Variants in UXS1 observed in about 807,000 individuals in gnomAD.
UXS1 encodes UDP-glucuronic acid decarboxylase 1.
UXS1 carries 33 observed loss-of-function variants against 62.6 expected under a neutral mutation model. The ratio of observed to expected loss-of-function variants is 0.53; its 90% CI spans 0.40 to 0.70. The LOEUF (loss-of-function observed/expected upper bound fraction) is 0.70, where lower values mean the gene tolerates loss of function less well. Among genes scored for constraint, UXS1 ranks in the 30% least tolerant of loss-of-function variants. UXS1 has a pLI of 0.00. For missense variants in UXS1, 434 were observed against 556.3 expected (o/e 0.78, Z 2.21); for synonymous variants, 213 against 206.8 (o/e 1.03, Z -0.26).
intron 6 of UXS1, among the ~76,000 whole-genome samples, chr2:106,143,208 A>G (rs1573498552): frequency 6.6e-6 from 1 of 151,554 alleles, no homozygotes; most frequent in South Asian, 2.1e-4. Context: ...GGAGATGGAG[A>G]CCATCCTGGC....
chr2:106,169,596 G>A (rs960104662), intron 1 of UXS1, among the ~76,000 whole-genome samples: 2 of 152,192 alleles, frequency 1.3e-5, no homozygotes, highest in Admixed American at 6.5e-5. Flanking sequence ...GGCAGAAGCA[G>A]AAAGATCGCT....
chr2:106,103,756 T>C (rs1423856438), intron 11 of UXS1, among the ~76,000 whole-genome samples: 1 of 152,236 alleles, frequency 6.6e-6, no homozygotes, highest in Admixed American at 6.5e-5. Context: ...GTGTAAATGT[T>C]TACTCACAGC....
intron 2 of UXS1, among the ~76,000 whole-genome samples, chr2:106,165,626 C>CTAAA (rs1683166278): frequency 6.6e-6 from 1 of 152,126 alleles, no homozygotes; most frequent in Non-Finnish European, 1.5e-5. Flanking sequence ...TAACGCTGGA[C>CTAAA]TAAATAGGTG....
chr2:106,173,510 C>T (rs1031404347), intron 1 of UXS1, among the ~76,000 whole-genome samples: 1 of 152,108 alleles, frequency 6.6e-6, no homozygotes, highest in Non-Finnish European at 1.5e-5. Context: ...GCCATAATCA[C>T]ACTGCTGCAC....
At chr2:106,171,593 G>C (rs1683562230) in intron 1 of UXS1, among the ~76,000 whole-genome samples, 1 of 152,206 alleles carries the variant, frequency 6.6e-6, no homozygotes, top group Non-Finnish European at 1.5e-5. Flanking sequence ...TAGGGATATA[G>C]CCTGAGTCCC....
chr2:106,167,892 T>C (rs1438285727), intron 1 of UXS1, among the ~76,000 whole-genome samples: 1 of 152,180 alleles, frequency 6.6e-6, no homozygotes, highest in African/African-American at 2.4e-5. Context: ...CCGGGCACTG[T>C]GGCTCACACC....
chr2:106,156,746 AT>A (rs1423414612), intron 5 of UXS1, among the ~76,000 whole-genome samples: 2 of 152,218 alleles, frequency 1.3e-5, no homozygotes, highest in African/African-American at 4.8e-5. Flanking sequence ...TTAGGGAATA[AT>A]AACCTGAAAA....
chr2:106,100,923 GTATTT>G, intron 12 of UXS1, 130 bp downstream of exon 12: 1 of 1,101,132 alleles, frequency 9.1e-7, no homozygotes, highest in South Asian at 1.4e-5. Flanking sequence ...TTTTCCTCTA[GTATTT>G]AGCAAGCAAC....
At chr2:106,141,638 A>G (rs891658648) in intron 6 of UXS1, among the ~76,000 whole-genome samples, 7 of 151,952 alleles carry the variant, frequency 4.6e-5, no homozygotes, top group Admixed American at 4.6e-4. Flanking sequence ...TTGTAGAGAC[A>G]GGGTTTCGCC....
chr2:106,171,998 C>G (rs945420170), intron 1 of UXS1, among the ~76,000 whole-genome samples: 1 of 152,264 alleles, frequency 6.6e-6, no homozygotes, highest in East Asian at 1.9e-4. Flanking sequence ...CTCATGCAGG[C>G]TTTGCCTTCT....
intron 5 of UXS1, among the ~76,000 whole-genome samples, chr2:106,151,395 G>A (rs1057364411): frequency 2.0e-5 from 3 of 152,122 alleles, no homozygotes; most frequent in Admixed American, 6.5e-5. Context: ...AAGTTATTGG[G>A]CTATGAGGGC....
intron 11 of UXS1, among the ~76,000 whole-genome samples, 181 bp downstream of exon 11, chr2:106,104,613 T>G (rs1026694718): frequency 6.6e-6 from 1 of 152,180 alleles, no homozygotes. Context: ...GAATGCAAAT[T>G]TTAACTTTTA....
At chr2:106,184,311 A>G (rs1348505782) in intron 1 of UXS1, among the ~76,000 whole-genome samples, 1 of 152,260 alleles carries the variant, frequency 6.6e-6, no homozygotes, top group Non-Finnish European at 1.5e-5. Context: ...AAAGCAAGAC[A>G]AGAAATTTGC....
At position 106,157,946 on chromosome 2, in the gene UXS1, G is replaced by A. The variant is rs2105039409; in HGVS notation, c.291+112C>T. The A allele has an allele frequency of 5.4e-6, 5 of 926,200 alleles. No homozygotes were observed. In the South Asian group the frequency reaches 8.0e-5, roughly 15 times the overall value. 57.4% of individuals were successfully genotyped at this position (926,200 alleles called of 1,614,324 possible). A position where few individuals can be genotyped will look rare whatever the true frequency, so the allele number is the denominator to read the frequency against. On this transcript the variant is annotated intron_variant, in intron 5 of 14. Transcript: ENST00000283148. ...TGCTAACTCTGTGGACATACTATAA[G>A]CCACTGAATCGTATCTTTGAGAAGC... is the stretch of plus-strand genomic sequence containing the variant.
Position 106,194,159 on chromosome 2 carries a change from G to A in UXS1, c.83C>T (p.Ala28Val). The A allele has an allele frequency of 2.7e-6, 4 of 1,484,280 alleles. No individual in the cohort carries two copies. Among genetic ancestry groups the A allele is most frequent in the Middle Eastern group, 3.8e-4 (2 of 5,196 alleles). 91.9% of individuals were successfully genotyped at this position (1,484,280 alleles called of 1,614,324 possible). Reference protein sequence around the residue: ...MKLLLGIALLAYVASVWGNFV... With the variant: ...MKLLLGIALLVYVASVWGNFV... ...GGGCGCGCACTCACAGGCGACGTAGGCCAGCAAGGCGATGCCCAGCAGCAG... is the reference window on the plus strand; with the variant it reads ...GGGCGCGCACTCACAGGCGACGTAGACCAGCAAGGCGATGCCCAGCAGCAG... Residue 28 changes from alanine (A) to valine (V), a missense_variant, in exon 1 of 15, where the codon GCC (alanine) becomes GTC (valine). By Grantham distance (64) the Ala-to-Val change is moderately conservative. Around this residue, in one of 3 missense-constraint regions of UXS1, gnomAD observed 91 missense variants for 71.1 expected, o/e 1.28. Coordinates refer to ENST00000283148, the MANE Select transcript of UXS1 (RefSeq NM_001253875.2).
At chr2:106,168,738 T>C (rs1461141068) in intron 1 of UXS1, among the ~76,000 whole-genome samples, 2 of 152,222 alleles carry the variant, frequency 1.3e-5, no homozygotes, top group African/African-American at 2.4e-5. Flanking sequence ...AATTAGAGAA[T>C]TGCTGTATAA....
At chr2:106,115,211 G>A (rs1206725417) in intron 9 of UXS1, among the ~76,000 whole-genome samples, 1 of 152,148 alleles carries the variant, frequency 6.6e-6, no homozygotes, top group Non-Finnish European at 1.5e-5. Context: ...CAAGGTCCAG[G>A]GTCTGACCCA....
At chr2:106,101,194 C>A in intron 11 of UXS1, 76 bp from the exon 12 acceptor site, 4 of 1,477,074 alleles carry the variant, frequency 2.7e-6, no homozygotes, top group Non-Finnish European at 2.7e-6. Flanking sequence ...AGAAGCCCTC[C>A]CAGAAGAAAA....
chr2:106,100,129 G>A (rs1406230612), intron 12 of UXS1, among the ~76,000 whole-genome samples: 1 of 152,214 alleles, frequency 6.6e-6, no homozygotes, highest in African/African-American at 2.4e-5. Context: ...CCAAGGTAGG[G>A]TTAAGGGGGA....
Sources: allele counts gnomAD v4.1 joint callset (sites outside exome capture counted in the v4.1 genomes callset), GRCh38; gene constraint gnomAD v4.1.1; regional missense constraint gnomAD v4.1.1; transcripts MANE v1.5; gene names NCBI Gene and HGNC (gene_info 2026-07-23, HGNC 2026-07-21).